Variants in MTMR2 observed in about 807,000 individuals in gnomAD.
MTMR2 encodes the protein phosphatidylinositol-3,5-bisphosphate 3-phosphatase MTMR2.
In MTMR2, 55 loss-of-function variants were observed where a neutral mutation model predicts 86.9. The ratio of observed to expected loss-of-function variants is 0.63; its 90% confidence interval spans 0.51 to 0.79. The LOEUF is 0.79. Ranked by LOEUF, MTMR2 falls within the 30% of genes least tolerant of loss-of-function variation. The pLI is 0.00. For missense variants in MTMR2, 659 were observed against 772.3 expected (o/e 0.85, Z 1.74); for synonymous variants, 241 against 266.8 (o/e 0.90, Z 0.94).
At chr11:95,874,099 T>C (rs1865001912) in intron 2 of MTMR2, among the ~76,000 whole-genome samples, 1 of 152,342 alleles carries the variant, frequency 6.6e-6, no homozygotes, top group Admixed American at 6.5e-5. Context: ...GTTCTGTAGA[T>C]GTCTATTAGG....
intron 12 of MTMR2, among the ~76,000 whole-genome samples, chr11:95,840,869 A>C (rs1863514922): frequency 1.3e-5 from 2 of 152,150 alleles, no homozygotes; most frequent in South Asian, 4.1e-4. Flanking sequence ...TCAGACTTCC[A>C]GTTGTTTTGG....
chr11:95,845,071 C>T lies in MTMR2; in HGVS notation c.1268G>A (p.Arg423His). ...GGCAAGGGAAGTGAGCTGAGCTGTGCGATCCCAACCATCACTGCAATGCAC... is the reference window on the plus strand; with the variant it reads ...GGCAAGGGAAGTGAGCTGAGCTGTGTGATCCCAACCATCACTGCAATGCAC... ...VVVHCSDGWD[R>H]TAQLTSLAML... The change falls in exon 11 of 15, where the codon CGC becomes CAC. Residue 423 changes from arginine to histidine, a missense_variant. By Grantham distance (29) the Arg-to-His change is conservative (BLOSUM62 0). Around this residue, in one of 3 missense-constraint regions of MTMR2, gnomAD observed 387 missense variants for 526.3 expected, o/e 0.74. Transcript: ENST00000346299. The T allele has an allele frequency of 6.2e-7, 1 of 1,613,858 alleles. No individual in the cohort carries two copies. Among genetic ancestry groups the T allele is most frequent in the South Asian group, 1.1e-5 (1 of 91,072 alleles).
chr11:95,867,841 GA>G (rs2135489857), intron 2 of MTMR2, among the ~76,000 whole-genome samples: 1 of 147,472 alleles, frequency 6.8e-6, no homozygotes, highest in South Asian at 2.2e-4. Context: ...GACTTACAAA[GA>G]AAAGAGAATA....
intron 2 of MTMR2, among the ~76,000 whole-genome samples, chr11:95,880,928 G>T (rs935447095): frequency 1.4e-4 from 21 of 152,076 alleles, no homozygotes; most frequent in African/African-American, 5.1e-4. Flanking sequence ...CATAAAGTTG[G>T]TAAATTTTAG....
chr11:95,881,079 G>T (rs1297725334), intron 2 of MTMR2, among the ~76,000 whole-genome samples: 1 of 150,628 alleles, frequency 6.6e-6, no homozygotes, highest in Non-Finnish European at 1.5e-5. Flanking sequence ...TCAGTTTTAG[G>T]TTTTCAATCT....
At chr11:95,837,328 G>A (rs1863329229) in intron 13 of MTMR2, among the ~76,000 whole-genome samples, 1 of 152,018 alleles carries the variant, frequency 6.6e-6, no homozygotes, top group South Asian at 2.1e-4. Context: ...GATAGATCCA[G>A]GATTTGAACC....
chr11:95,870,013 A>G (rs1259893217), intron 2 of MTMR2, among the ~76,000 whole-genome samples: 1 of 152,196 alleles, frequency 6.6e-6, no homozygotes, highest in African/African-American at 2.4e-5. Context: ...TAGAATGTAC[A>G]CTTAAGATTT....
At position 95,850,778 on chromosome 11, in the gene MTMR2, T is replaced by C. The variant is rs750540860; in HGVS notation, c.655-29A>G. On this transcript the variant is annotated intron_variant, in intron 7 of 14. Transcript: ENST00000346299. ...CATGTGAAATGAAACATAAGACAAA[T>C]TACTATATAACTAAAATATTAAACG... The C allele has an allele frequency of 2.8e-5, 45 of 1,605,916 alleles. 1 individual carries two copies. The East Asian group carries it at 1.0e-3, about 36-fold the overall frequency.
intron 1 of MTMR2, among the ~76,000 whole-genome samples, chr11:95,896,323 T>G (rs555049152): frequency 4.8e-5 from 7 of 144,946 alleles, no homozygotes; most frequent in African/African-American, 1.5e-4. Context: ...GTTTTTTTGG[T>G]TTTTTTTTTT....
chr11:95,841,929 C>CTA (rs1863565736), intron 11 of MTMR2, among the ~76,000 whole-genome samples: 1 of 152,130 alleles, frequency 6.6e-6, no homozygotes, highest in Admixed American at 6.6e-5. Flanking sequence ...GACCCCATCT[C>CTA]TACAAAACAT....
At chr11:95,864,660 T>A (rs1317964840) in intron 3 of MTMR2, among the ~76,000 whole-genome samples, 2 of 152,042 alleles carry the variant, frequency 1.3e-5, no homozygotes. Context: ...GGTGTATATA[T>A]AAGGCTAACT....
intron 2 of MTMR2, among the ~76,000 whole-genome samples, chr11:95,878,408 C>A (rs1347019070): frequency 6.6e-6 from 1 of 151,782 alleles, no homozygotes; most frequent in Non-Finnish European, 1.5e-5. Context: ...AGAATGTACA[C>A]CACAAAGTAT....
At chr11:95,873,224 A>T (rs1204225267) in intron 2 of MTMR2, among the ~76,000 whole-genome samples, 1 of 151,880 alleles carries the variant, frequency 6.6e-6, no homozygotes, top group Non-Finnish European at 1.5e-5. Context: ...TGGGCTGTGA[A>T]TCCATCTGGT....
rs117969911 is a variant in MTMR2 at position 95,880,465 on chromosome 11, T to C, written c.186+7691A>G. On this transcript the variant is annotated intron_variant, in intron 2 of 14. Transcript: ENST00000346299. ...TGGAATAAATGTGGGACTTTCTACA[T>C]TAGTAAAACTGGAACTGCTAAGAAG... is the stretch of plus-strand genomic sequence containing the variant. Among the ~76,000 whole-genome samples, 540 of 152,112 alleles carry C rather than the reference T, an allele frequency of 3.6e-3. 2 individuals carry two copies. The highest frequency in any genetic ancestry group is 6.4e-3 in the Non-Finnish European group (433 of 67,854).
chr11:95,875,075 T>C (rs1414520617), intron 2 of MTMR2, among the ~76,000 whole-genome samples: 1 of 152,206 alleles, frequency 6.6e-6, no homozygotes, highest in African/African-American at 2.4e-5. Flanking sequence ...TTACGTGTCT[T>C]GGAGTTGCTC....
chr11:95,918,819 AG>A (rs1004117439), intron 1 of MTMR2, among the ~76,000 whole-genome samples: 7 of 152,180 alleles, frequency 4.6e-5, no homozygotes, highest in Non-Finnish European at 7.3e-5. Context: ...ACAACATAAA[AG>A]CATATTTCCT....
intron 2 of MTMR2, among the ~76,000 whole-genome samples, chr11:95,878,939 C>G (rs1196029144): frequency 6.6e-6 from 1 of 152,116 alleles, no homozygotes; most frequent in Non-Finnish European, 1.5e-5. Flanking sequence ...TCATTCAGTG[C>G]TCTTAACACC....
chr11:95,924,023 G>A lies in MTMR2; in HGVS notation c.-69C>T. 1 of 1,538,212 alleles carries A rather than the reference G, an allele frequency of 6.5e-7. No homozygotes were observed. Among genetic ancestry groups the A allele is most frequent in the South Asian group, 1.2e-5 (1 of 83,786 alleles). ...CGGCTACAGGGCGGGAGAAGCGGAGGGCGGAGTGCTACGGACCGGGGCCGC... is the reference window on the plus strand; with the variant it reads ...CGGCTACAGGGCGGGAGAAGCGGAGAGCGGAGTGCTACGGACCGGGGCCGC... On this transcript the variant is annotated 5_prime_UTR_variant, in exon 1 of 15. Transcript: ENST00000346299.
In MTMR2 at chr11:95,923,941, G is replaced by A; in HGVS notation, c.14C>T (p.Ser5Leu). Reference sequence around the variant, plus strand: ...CTGGGAGCCAAGACTCTCGCAGCTCGAGCTCTTCTCCATCGCGCGGCAGGG... The same window carrying A: ...CTGGGAGCCAAGACTCTCGCAGCTCAAGCTCTTCTCCATCGCGCGGCAGGG... MEKS[S>L]SCESLGSQPA... Residue 5 changes from serine to leucine, a missense_variant, in exon 1 of 15, where the codon TCG becomes TTG. Coordinates refer to ENST00000346299, the MANE Select transcript of MTMR2 (RefSeq NM_016156.6). 1.9e-6 allele frequency: 3 copies of A among 1,560,660 alleles called. No homozygotes were observed. Among genetic ancestry groups the A allele is most frequent in the Non-Finnish European group, 2.6e-6 (3 of 1,151,990 alleles).
Sources: allele counts gnomAD v4.1 joint callset (sites outside exome capture counted in the v4.1 genomes callset), GRCh38; gene constraint gnomAD v4.1.1; regional missense constraint gnomAD v4.1.1; transcripts MANE v1.5; gene names NCBI Gene and HGNC (gene_info 2026-07-23, HGNC 2026-07-21).